TPRG1: variants seen among roughly 807,000 people sequenced by gnomAD.
The protein encoded by TPRG1 is tumor protein p63 regulated 1, also known as tumor protein p63-regulated gene 1 protein.
A neutral mutation model predicts 29.3 loss-of-function variants in TPRG1; 29 were observed. The ratio of observed to expected loss-of-function variants is 0.99; its 90% confidence interval spans 0.74 to 1.35. The LOEUF is 1.35. TPRG1 is among the 40% of genes most tolerant of loss of function. TPRG1 has a pLI of 0.00. For missense variants in TPRG1, 327 were observed against 335.0 expected (o/e 0.98, Z 0.19); for synonymous variants, 130 against 116.8 (o/e 1.11, Z -0.73).
At chr3:189,234,801 A>G (rs1739199893) in intron 3 of TPRG1, among the ~76,000 whole-genome samples, 1 of 152,238 alleles carries the variant, frequency 6.6e-6, no homozygotes, top group Non-Finnish European at 1.5e-5. Flanking sequence ...CATAGAAATA[A>G]CTATACAATA....
chr3:189,259,759 C>G (rs995969548), intron 4 of TPRG1, among the ~76,000 whole-genome samples: 11 of 152,058 alleles, frequency 7.2e-5, no homozygotes, highest in Non-Finnish European at 1.5e-4. Context: ...TGCAAACCAC[C>G]ATGTCTGGCC....
intron 5 of TPRG1, among the ~76,000 whole-genome samples, chr3:189,163,872 G>A (rs981901480): frequency 3.9e-5 from 6 of 152,070 alleles, no homozygotes; most frequent in African/African-American, 1.4e-4. Context: ...CCTGAGGCAC[G>A]CTGGAAACCC....
chr3:189,206,444 C>T (rs192966737), intron 1 of TPRG1, among the ~76,000 whole-genome samples: 3 of 147,078 alleles, frequency 2.0e-5, no homozygotes, highest in African/African-American at 7.6e-5. Flanking sequence ...GTGTGTTTTT[C>T]TTTTATATAT....
chr3:189,276,983 C>T (rs1716265442), intron 4 of TPRG1, among the ~76,000 whole-genome samples: 1 of 152,120 alleles, frequency 6.6e-6, no homozygotes, highest in Non-Finnish European at 1.5e-5. Flanking sequence ...AGCCTCCTCT[C>T]TTTGCCTCCT....
chr3:189,151,218 C>A (rs1725893521), intron 5 of TPRG1: 2 of 96,638 alleles, frequency 2.1e-5, no homozygotes. Context: ...TCCCTTAACA[C>A]CAGTCGTCCT....
chr3:189,229,837 T>A (rs1738349840), intron 3 of TPRG1, among the ~76,000 whole-genome samples: 1 of 152,226 alleles, frequency 6.6e-6, no homozygotes, highest in South Asian at 2.1e-4. Context: ...GTTTGCCTGA[T>A]CTGGGCTGTG....
chr3:189,211,419 G>C (rs935517777), intron 2 of TPRG1, among the ~76,000 whole-genome samples: 1 of 152,058 alleles, frequency 6.6e-6, no homozygotes, highest in African/African-American at 2.4e-5. Context: ...TTACAAAGAG[G>C]TGACTGACAC....
chr3:189,087,179 A>G (rs988823896), intron 4 of TPRG1, among the ~76,000 whole-genome samples: 3 of 152,032 alleles, frequency 2.0e-5, no homozygotes, highest in African/African-American at 7.2e-5. Flanking sequence ...TTTTTTCCTG[A>G]CTTTTTAATG....
chr3:189,112,028 A>G (rs1348371199), intron 1 of TPRG1, among the ~76,000 whole-genome samples: 3 of 152,134 alleles, frequency 2.0e-5, no homozygotes, highest in Admixed American at 6.5e-5. Flanking sequence ...GATTATGTCA[A>G]AGGCTTTCTT....
In TPRG1 at chr3:189,310,437, TC is replaced by T; in HGVS notation, c.532del (p.Leu178PhefsTer22). The T allele has an allele frequency of 6.2e-7, 1 of 1,611,966 alleles. No homozygotes were observed. ...ACTGGGGGAGTCCGGAGGAGCAGTC[TC>T]TTCTGTCCCGCTGGAACCCATGGTC... ...IYWGSPEEQS[L>X]LSRWNPWSTE... On this transcript the variant is annotated frameshift_variant, in exon 5 of 6. Transcript: ENST00000345063. LOFTEE classifies it high-confidence loss of function.
chr3:189,113,978 AT>A (rs2108493417), intron 1 of TPRG1, among the ~76,000 whole-genome samples: 1 of 152,252 alleles, frequency 6.6e-6, no homozygotes, highest in Admixed American at 6.5e-5. Flanking sequence ...TTATTGGAGA[AT>A]TTGTGTAGAA....
At chr3:189,131,145 A>G (rs908940025) in intron 2 of TPRG1, among the ~76,000 whole-genome samples, 1 of 152,196 alleles carries the variant, frequency 6.6e-6, no homozygotes, top group Non-Finnish European at 1.5e-5. Flanking sequence ...AATGTTTTAA[A>G]TCGGAGCAGC....
At position 189,059,630 on chromosome 3, in the gene TPRG1, GA is replaced by G. The variant is rs145359551; in HGVS notation, c.-463+35694del. ...CAAAAACAAAATGAAAAAAACAAAG[GA>G]AAAAAAAAAGGTCTGTGAGATAGTC... On this transcript the variant is annotated intron_variant, in intron 4 of 10. Transcript: ENST00000433971. Among the ~76,000 whole-genome samples, 565 of 144,596 alleles carry G rather than the reference GA, an allele frequency of 3.9e-3. 2 individuals carry two copies. The highest frequency in any genetic ancestry group is 0.025 in the South Asian group (111 of 4,506). The allele number at this position is 144,596 out of a possible 152,430, so 94.9% of individuals were successfully genotyped here. A position where few individuals can be genotyped will look rare whatever the true frequency, so the allele number is the denominator to read the frequency against.
intron 1 of TPRG1, among the ~76,000 whole-genome samples, chr3:188,998,005 C>T (rs186350742): frequency 6.6e-6 from 1 of 152,222 alleles, no homozygotes; most frequent in Admixed American, 6.5e-5. Context: ...TTCATTCATT[C>T]ATTCCCTCCC....
intron 4 of TPRG1, among the ~76,000 whole-genome samples, chr3:189,075,114 C>T (rs1009941336): frequency 2.6e-5 from 4 of 151,584 alleles, no homozygotes; most frequent in Admixed American, 6.6e-5. Context: ...CGAATTCATG[C>T]TCTGATTTTT....
chr3:189,234,103 T>C (rs746427198), intron 3 of TPRG1, among the ~76,000 whole-genome samples: 9 of 152,162 alleles, frequency 5.9e-5, no homozygotes, highest in Non-Finnish European at 1.0e-4. Context: ...GGTCTCAAAC[T>C]CCTGGGCTCA....
chr3:189,147,095 G>A (rs1725362995), intron 3 of TPRG1, among the ~76,000 whole-genome samples: 2 of 152,116 alleles, frequency 1.3e-5, no homozygotes, highest in African/African-American at 2.4e-5. Flanking sequence ...GACACAGCTG[G>A]GATTTGAACC....
chr3:189,033,455 T>C (rs1714057497), intron 4 of TPRG1, among the ~76,000 whole-genome samples: 1 of 152,040 alleles, frequency 6.6e-6, no homozygotes. Context: ...CTAATTTTTG[T>C]ATTTTTTGTA....
intron 3 of TPRG1, among the ~76,000 whole-genome samples, chr3:189,222,767 C>T: frequency 6.6e-6 from 1 of 152,170 alleles, no homozygotes; most frequent in Non-Finnish European, 1.5e-5. Context: ...GTTTCTTGCT[C>T]CAGCCTTACT....
Sources: allele counts gnomAD v4.1 joint callset (sites outside exome capture counted in the v4.1 genomes callset), GRCh38; gene constraint gnomAD v4.1.1; transcripts MANE v1.5; gene names NCBI Gene and HGNC (gene_info 2026-07-23, HGNC 2026-07-21).